The following LPIN1 variants were observed in gnomAD, a reference collection of about 807,000 sequenced individuals.
LPIN1 encodes the protein lipin 1, also known as phosphatidate phosphatase LPIN1.
A neutral mutation model predicts 107.5 loss-of-function variants in LPIN1; 71 were observed. The observed-to-expected ratio is 0.66, with a 90% confidence interval of 0.55 to 0.80. The LOEUF is 0.80. Ranked by LOEUF, LPIN1 falls within the 30% of genes least tolerant of loss-of-function variation. The pLI is 0.00. For synonymous variants in LPIN1, 445 were observed against 452.6 expected, an observed-to-expected ratio of 0.98 and a Z score of 0.21; for missense variants, 1,043 against 1,160.6, an observed-to-expected ratio of 0.90 and a Z score of 1.47.
rs1356185472 is a variant in LPIN1, at chr2:11,827,109, T to C, written c.*2318T>C. 2 of 152,660 alleles carry C rather than the reference T, an allele frequency of 1.3e-5. No homozygotes were observed. Among genetic ancestry groups the C allele is most frequent in the African/African-American group, 4.8e-5 (2 of 41,454 alleles). The allele number at this position is 152,660 out of a possible 1,614,324, so 9.5% of individuals were successfully genotyped here. A position where few individuals can be genotyped will look rare whatever the true frequency, so the allele number is the denominator to read the frequency against. ...TTCAAAGTTGCCCTATGGAAATGAA[T>C]CCTACTTAGTGACAAGTCATCAAAT... is the stretch of plus-strand genomic sequence containing the variant. On this transcript the variant is annotated 3_prime_UTR_variant, in exon 21 of 21. Transcript: ENST00000674199. This position sits in a 1 kb window ranked among gnomAD's most constrained non-coding sequence, Gnocchi z 4.1.
chr2:11,733,819 G>C (rs1390642756), intron 1 of LPIN1, among the ~76,000 whole-genome samples: 1 of 152,082 alleles, frequency 6.6e-6, no homozygotes, highest in Non-Finnish European at 1.5e-5. Context: ...AGGACTGGAG[G>C]CCCACAGCCT....
At chr2:11,728,401 TAGAC>T (rs776172669) in intron 1 of LPIN1, among the ~76,000 whole-genome samples, 1 of 152,128 alleles carries the variant, frequency 6.6e-6, no homozygotes, top group Non-Finnish European at 1.5e-5. Context: ...AAAAAATTTT[TAGAC>T]AGAGTCTCAT....
intron 5 of LPIN1, 36 bp downstream of exon 5, chr2:11,773,781 G>T (rs751778145): frequency 6.2e-7 from 1 of 1,610,770 alleles, no homozygotes; most frequent in East Asian, 2.2e-5. Flanking sequence ...CCAGTGCAGA[G>T]GCTTAGAAGT....
At chr2:11,757,934 C>T (rs920027365) in intron 1 of LPIN1, among the ~76,000 whole-genome samples, 10 of 144,266 alleles carry the variant, frequency 6.9e-5, no homozygotes, top group Non-Finnish European at 1.6e-4. Flanking sequence ...CCCTATTTTC[C>T]GCTTCTCCCT....
chr2:11,725,153 T>C (rs1263146469), intron 1 of LPIN1, among the ~76,000 whole-genome samples: 1 of 152,012 alleles, frequency 6.6e-6, no homozygotes, highest in Non-Finnish European at 1.5e-5. Flanking sequence ...CCCAGCTACT[T>C]GGGAGGCTGA....
In LPIN1 at chr2:11,774,861, G is replaced by A. The variant is rs570446862; in HGVS notation, c.722+1116G>A. On this transcript the variant is annotated intron_variant, in intron 5 of 20. Transcript: ENST00000674199. The surrounding 1 kb of genome is among the most constrained non-coding windows in gnomAD (Gnocchi z 4.4). ...GGCTGAGGCCTGTGACAAAGTCCCTGCATGGAGGTCTTCCTGCGTCAGAGC... is the reference window on the plus strand; with the variant it reads ...GGCTGAGGCCTGTGACAAAGTCCCTACATGGAGGTCTTCCTGCGTCAGAGC... 1.5e-4 allele frequency among the ~76,000 whole-genome samples: 23 copies of A among 151,978 alleles called. No individual in the cohort carries two copies. In the East Asian group the frequency reaches 3.1e-3, roughly 20 times the overall value.
At position 11,776,191 on chromosome 2, in the gene LPIN1, A is replaced by AC; in HGVS notation, c.828_829insC (p.Ser277GlnfsTer11). On this transcript the variant is annotated frameshift_variant and splice_region_variant, in exon 6 of 21. Coordinates refer to ENST00000674199, the MANE Select transcript of LPIN1 (RefSeq NM_001349206.2). LOFTEE classifies it high-confidence loss of function. ...AGTCTTCCCTGTTCCATCCTTCGGA[A>AC]AGGTAGAGGAGTTATTTTCCCCATT... 1 of 1,527,416 alleles carries AC rather than the reference A, an allele frequency of 6.5e-7. No homozygotes were observed. Among genetic ancestry groups the AC allele is most frequent in the Non-Finnish European group, 8.9e-7 (1 of 1,128,952 alleles). 94.6% of individuals were successfully genotyped at this position (1,527,416 alleles called of 1,614,324 possible). A position where few individuals can be genotyped will look rare whatever the true frequency, so the allele number is the denominator to read the frequency against.
At chr2:11,757,597 C>T (rs1372939573) in intron 1 of LPIN1, among the ~76,000 whole-genome samples, 1 of 152,156 alleles carries the variant, frequency 6.6e-6, no homozygotes, top group East Asian at 1.9e-4. Flanking sequence ...TGCCTCTAAC[C>T]TGCCTGCACC....
At chr2:11,725,456 T>A (rs1343336203) in intron 1 of LPIN1, among the ~76,000 whole-genome samples, 1 of 152,062 alleles carries the variant, frequency 6.6e-6, no homozygotes, top group South Asian at 2.1e-4. Context: ...GAACTTCAAT[T>A]CCTAAACCAG....
At chr2:11,736,583 A>G (rs1665814495) in intron 1 of LPIN1, among the ~76,000 whole-genome samples, 1 of 152,252 alleles carries the variant, frequency 6.6e-6, no homozygotes, top group Non-Finnish European at 1.5e-5. Context: ...ACAAAGATTC[A>G]GTCAATAGCA....
chr2:11,743,178 A>G (rs1666543509), upstream of LPIN1, among the ~76,000 whole-genome samples: 1 of 152,188 alleles, frequency 6.6e-6, no homozygotes, highest in Admixed American at 6.5e-5. This position sits in a 1 kb window ranked among gnomAD's most constrained non-coding sequence, Gnocchi z 4.7. Context: ...TGCTCAGCCT[A>G]GGGCCTCCAA....
chr2:11,725,078 A>G (rs532555645), intron 1 of LPIN1, among the ~76,000 whole-genome samples: 16 of 152,232 alleles, frequency 1.1e-4, no homozygotes, highest in South Asian at 2.1e-4. Flanking sequence ...CGGCTAAAAC[A>G]GTGAAATCCC....
intron 1 of LPIN1, among the ~76,000 whole-genome samples, chr2:11,727,514 G>A (rs1463780917): frequency 6.6e-6 from 1 of 152,100 alleles, no homozygotes; most frequent in Non-Finnish European, 1.5e-5. Context: ...CCAAGACGTG[G>A]GGTGCTTGTG....
chr2:11,677,725 A>C lies in LPIN1; in HGVS notation c.78A>C (p.Ser26=), dbSNP rs770369791. ...AGAGCTCCCCAGACTCGGCTTGGTC[A>C]TGGGTAAGGGCCGGCCATGTGGCCA... Residue 26 remains serine, a synonymous_variant, in exon 1 of 22, where the codon TCA becomes TCC. Coordinates refer to the LPIN1 transcript ENST00000449576. 3 of 1,535,648 alleles carry C rather than the reference A, an allele frequency of 2.0e-6. No individual in the cohort carries two copies. In the South Asian group the frequency reaches 3.6e-5, roughly 18 times the overall value.
chr2:11,721,245 C>T (rs1664113491), upstream of LPIN1, among the ~76,000 whole-genome samples: 1 of 147,948 alleles, frequency 6.8e-6, no homozygotes, highest in Non-Finnish European at 1.5e-5. Flanking sequence ...CTGAGATTGA[C>T]AGTTACTGTA....
chr2:11,811,631 A>T (rs576805097), intron 17 of LPIN1, among the ~76,000 whole-genome samples: 2 of 152,228 alleles, frequency 1.3e-5, no homozygotes, highest in Admixed American at 1.3e-4. Context: ...TATACATGGA[A>T]ATAGTGATTT....
intron 11 of LPIN1, among the ~76,000 whole-genome samples, chr2:11,787,688 A>G (rs1400578984): frequency 6.6e-6 from 1 of 151,378 alleles, no homozygotes; most frequent in East Asian, 1.9e-4. Context: ...GCGCCTGTAA[A>G]CTCAGCACTT....
intron 20 of LPIN1, among the ~76,000 whole-genome samples, chr2:11,821,378 G>A (rs1314083698): frequency 1.3e-5 from 2 of 152,184 alleles, no homozygotes; most frequent in Non-Finnish European, 2.9e-5. Context: ...TTAGCCAGGT[G>A]TGGTGGTGCA....
At chr2:11,787,899 C>G (rs979495566) in intron 11 of LPIN1, among the ~76,000 whole-genome samples, 8 of 151,188 alleles carry the variant, frequency 5.3e-5, no homozygotes, top group Non-Finnish European at 8.8e-5. Flanking sequence ...CAAGATAGCG[C>G]CACTGCAGTC....
Sources: gnomAD v4.1 joint callset for allele counts (sites outside exome capture counted in the v4.1 genomes callset) on GRCh38, gnomAD v4.1.1 for gene constraint, Gnocchi (gnomAD v3.1) non-coding constraint, MANE v1.5 for transcripts, NCBI Gene and HGNC (gene_info 2026-07-23, HGNC 2026-07-21) for gene names.